HMX1: variants seen among roughly 807,000 people sequenced by gnomAD.
The protein encoded by HMX1 is H6 family homeobox 1, also known as homeobox protein HMX1.
A neutral mutation model predicts 8.9 loss-of-function variants in HMX1; 8 were observed. The ratio of observed to expected loss-of-function variants is 0.90; its 90% CI spans 0.53 to 1.63. The LOEUF is 1.63. Among genes scored for constraint, HMX1 ranks in the 40% most tolerant of loss-of-function variants. The pLI is 0.00. For missense variants in HMX1, 621 were observed against 558.5 expected (o/e 1.11, Z -1.13); for synonymous variants, 311 against 283.4 (o/e 1.10, Z -0.98).
intron 1 of HMX1, among the ~76,000 whole-genome samples, chr4:8,859,623 C>A (rs1721729936): frequency 6.6e-6 from 1 of 152,188 alleles, no homozygotes; most frequent in African/African-American, 2.4e-5. Context: ...GTGAGCTGGG[C>A]TCAGCATCCT....
chr4:8,869,937 C>T lies in HMX1; in HGVS notation c.394+1284G>A, dbSNP rs533612933. 2.6e-5 allele frequency among the ~76,000 whole-genome samples: 4 copies of T among 152,268 alleles called. No individual in the cohort carries two copies. In the South Asian group the frequency reaches 8.3e-4, roughly 32 times the overall value. ...TTCCATAGTCTCCCCCAGAAGGGCA[C>T]TAGACAGAGTCGCTCGATTTCTGGG... On this transcript the variant is annotated intron_variant, in intron 1 of 1. Transcript: ENST00000400677.
At chr4:8,858,815 T>G (rs1483194726) in intron 1 of HMX1, 1 of 152,374 alleles carries the variant, frequency 6.6e-6, no homozygotes, top group African/African-American at 2.4e-5. Flanking sequence ...CGGAGCATCG[T>G]CACTGGGAGG....
chr4:8,858,438 C>T (rs979522461), intron 1 of HMX1, among the ~76,000 whole-genome samples: 1 of 152,188 alleles, frequency 6.6e-6, no homozygotes, highest in Non-Finnish European at 1.5e-5. Context: ...GCTGGGGATG[C>T]GCTTCTGGGC....
chr4:8,846,645 C>A lies in HMX1; in HGVS notation c.395-321G>T, dbSNP rs539240494. On this transcript the variant is annotated intron_variant, in intron 1 of 1. Coordinates refer to the HMX1 transcript ENST00000506970. ...TGCAACCCCATGAGTCCTGAGCAGGCCTCCTGCCTCTTCCACCTCTCACAC... is the reference window on the plus strand; with the variant it reads ...TGCAACCCCATGAGTCCTGAGCAGGACTCCTGCCTCTTCCACCTCTCACAC... Among the ~76,000 whole-genome samples the A allele has an allele frequency of 2.0e-5, 3 of 152,290 alleles. 1 individual carries two copies. In the South Asian group the frequency reaches 6.2e-4, roughly 32 times the overall value.
intron 1 of HMX1, among the ~76,000 whole-genome samples, chr4:8,859,648 G>C (rs539654908): frequency 3.3e-5 from 5 of 152,320 alleles, no homozygotes; most frequent in Admixed American, 2.0e-4. Context: ...TCCTCGCCCT[G>C]TCATTGCCGC....
At chr4:8,862,284 G>A (rs368537296), downstream of HMX1, among the ~76,000 whole-genome samples, 78 of 152,326 alleles carry the variant, frequency 5.1e-4, no homozygotes, top group African/African-American at 1.8e-3. Context: ...ACCCCGATTG[G>A]GCGTAGATAA....
In HMX1 at chr4:8,867,336, T is replaced by G; in HGVS notation, c.*357A>C. On this transcript the variant is annotated 3_prime_UTR_variant, in exon 2 of 2. Coordinates refer to ENST00000400677, the MANE Select transcript of HMX1 (RefSeq NM_018942.3). ...TGGACAGCCGGTTCGTAGTTTTCCT[T>G]TGTTGCGCTGGGCTTGGCCTGAGGG... is the stretch of plus-strand genomic sequence containing the variant. The G allele has an allele frequency of 1.0e-6, 1 of 1,001,518 alleles. No homozygotes were observed. The highest frequency in any genetic ancestry group is 1.0e-4 in the East Asian group (1 of 9,818). The allele number at this position is 1,001,518 out of a possible 1,614,324, so 62.0% of individuals were successfully genotyped here.
chr4:8,862,317 G>C (rs1392853501), downstream of HMX1, among the ~76,000 whole-genome samples: 1 of 152,252 alleles, frequency 6.6e-6, no homozygotes, highest in Admixed American at 6.5e-5. Context: ...AACAGCCCCA[G>C]GCAGAGATTC....
downstream of HMX1, among the ~76,000 whole-genome samples, chr4:8,863,572 G>A (rs1254112331): frequency 6.6e-6 from 1 of 152,252 alleles, no homozygotes; most frequent in African/African-American, 2.4e-5. Context: ...AATGGGAGTC[G>A]GCGGGCAGAG....
rs1370094034 is a variant in HMX1 at position 8,867,254 on chromosome 4, C to T, written c.*439G>A. The T allele has an allele frequency of 5.1e-6, 5 of 986,064 alleles. No individual in the cohort carries two copies. The highest frequency in any genetic ancestry group is 5.2e-4 in the Middle Eastern group (1 of 1,940). The allele number at this position is 986,064 out of a possible 1,614,324, so 61.1% of individuals were successfully genotyped here. A position where few individuals can be genotyped will look rare whatever the true frequency, so the allele number is the denominator to read the frequency against. ...CCGGGCCGGCCTGCTGTCTGGGTCC[C>T]AGGAAAGGGACGTTTAGTGTTGGGG... On this transcript the variant is annotated 3_prime_UTR_variant, in exon 2 of 2. Transcript: ENST00000400677.
Position 8,871,468 on chromosome 4 carries a change from G to C in HMX1, c.147C>G (p.Asp49Glu). 7.4e-7 allele frequency: 1 copy of C among 1,344,252 alleles called. No individual in the cohort carries two copies. Among genetic ancestry groups the C allele is most frequent in the East Asian group, 3.2e-5 (1 of 30,832 alleles). The allele number at this position is 1,344,252 out of a possible 1,614,324, so 83.3% of individuals were successfully genotyped here. A position where few individuals can be genotyped will look rare whatever the true frequency, so the allele number is the denominator to read the frequency against. Residue 49 changes from aspartate (D) to glutamate (E), a missense_variant, in exon 1 of 2, where the codon GAC (aspartate) becomes GAG (glutamate). By Grantham distance (45) the Asp-to-Glu change is conservative (BLOSUM62 2). Coordinates refer to ENST00000400677, the MANE Select transcript of HMX1 (RefSeq NM_018942.3). The surrounding 1 kb of genome is among the most constrained non-coding windows in gnomAD (Gnocchi z 4.8). ...CGGCGTCCTCGTCTTCGGGGTCGTC[G>C]TCGTCCTCCTCCTCGTCCTCCCGGC... ...DGSREDEEED[D>E]DDPEDEDAEQ...
chr4:8,861,097 C>G (rs900966212), intron 1 of HMX1, among the ~76,000 whole-genome samples: 7 of 152,084 alleles, frequency 4.6e-5, no homozygotes, highest in Non-Finnish European at 1.0e-4. Flanking sequence ...CGCGGGGTCC[C>G]GGACACAGCG....
chr4:8,854,974 A>C (rs530580045), intron 1 of HMX1, among the ~76,000 whole-genome samples: 1 of 152,312 alleles, frequency 6.6e-6, no homozygotes, highest in South Asian at 2.1e-4. Flanking sequence ...TTCTTCCCCC[A>C]CATCTTTCTT....
chr4:8,869,395 C>T (rs1333237489), intron 1 of HMX1, among the ~76,000 whole-genome samples: 3 of 152,252 alleles, frequency 2.0e-5, no homozygotes, highest in Non-Finnish European at 4.4e-5. Context: ...TGGAGCCTCC[C>T]GTGCAAAGGG....
chr4:8,868,043 G>A lies in HMX1; in HGVS notation c.697C>T (p.Arg233Cys). Residue 233 changes from arginine (R) to cysteine (C), a missense_variant, in exon 2 of 2, where the codon CGC becomes TGC. Transcript: ENST00000400677. This position sits in a 1 kb window ranked among gnomAD's most constrained non-coding sequence, Gnocchi z 4.6. ...TGCAGGGAGGCGGCCAGGCCGGCGC[G>A]CTCGGCGCTGCTCAGGTAGCGCTTC... is the stretch of plus-strand genomic sequence containing the variant. ...DLKRYLSSAERAGLAASLQLT... is the reference protein window; with the variant it reads ...DLKRYLSSAECAGLAASLQLT... 6.5e-7 allele frequency: 1 copy of A among 1,532,028 alleles called. No homozygotes were observed. 94.9% of individuals were successfully genotyped at this position (1,532,028 alleles called of 1,614,324 possible). A position where few individuals can be genotyped will look rare whatever the true frequency, so the allele number is the denominator to read the frequency against.
chr4:8,855,870 G>A (rs938130467), intron 1 of HMX1, among the ~76,000 whole-genome samples: 1 of 152,254 alleles, frequency 6.6e-6, no homozygotes, highest in East Asian at 1.9e-4. Flanking sequence ...AGGATCCAGC[G>A]GGAGCTGGAA....
chr4:8,867,752 C>A lies in HMX1; in HGVS notation c.988G>T (p.Ala330Ser). ...FSGALAYPLA[A>S]FPAAASVPFL... ...GGCACGGAGGCGGCGGCCGGGAAGGCGGCCAGCGGGTAGGCGAGGGCCCCG... is the reference window on the plus strand; with the variant it reads ...GGCACGGAGGCGGCGGCCGGGAAGGAGGCCAGCGGGTAGGCGAGGGCCCCG... Residue 330 changes from alanine to serine, a missense_variant, in exon 2 of 2, where the codon GCC becomes TCC. Ala to Ser is a moderately conservative substitution (Grantham distance 99, BLOSUM62 1). Transcript: ENST00000400677. 1 of 1,287,450 alleles carries A rather than the reference C, an allele frequency of 7.8e-7. No individual in the cohort carries two copies. Among genetic ancestry groups the A allele is most frequent in the South Asian group, 2.8e-5 (1 of 36,354 alleles). The allele number at this position is 1,287,450 out of a possible 1,614,324, so 79.8% of individuals were successfully genotyped here.
At chr4:8,854,884 T>C (rs1721561740) in intron 1 of HMX1, among the ~76,000 whole-genome samples, 2 of 152,226 alleles carry the variant, frequency 1.3e-5, no homozygotes, top group African/African-American at 4.8e-5. Flanking sequence ...CTTCCTAAAA[T>C]GAATCTGTAA....
Position 8,871,442 on chromosome 4 carries a change from T to C in HMX1, c.173A>G (p.Glu58Gly). The C allele has an allele frequency of 7.5e-7, 1 of 1,324,800 alleles. No individual in the cohort carries two copies. The highest frequency in any genetic ancestry group is 9.8e-7 in the Non-Finnish European group (1 of 1,022,458). 82.1% of individuals were successfully genotyped at this position (1,324,800 alleles called of 1,614,324 possible). ...CTGTAGCCGTCGCCGCCGCGCCTGCTCGGCGTCCTCGTCTTCGGGGTCGTC... is the reference window on the plus strand; with the variant it reads ...CTGTAGCCGTCGCCGCCGCGCCTGCCCGGCGTCCTCGTCTTCGGGGTCGTC... ...DDDDPEDEDA[E>G]QARRRRLQRR... The change falls in exon 1 of 2, where the codon GAG becomes GGG. Residue 58 changes from glutamate to glycine, a missense_variant. Glu to Gly is a moderately conservative substitution (Grantham distance 98). Transcript: ENST00000400677. This position sits in a 1 kb window ranked among gnomAD's most constrained non-coding sequence, Gnocchi z 4.8.
Sources: gnomAD v4.1 joint callset for allele counts (sites outside exome capture counted in the v4.1 genomes callset) on GRCh38, gnomAD v4.1.1 for gene constraint, Gnocchi (gnomAD v3.1) non-coding constraint, MANE v1.5 for transcripts, NCBI Gene and HGNC (gene_info 2026-07-23, HGNC 2026-07-21) for gene names.